The following UTP20 variants were observed in gnomAD, a reference collection of about 807,000 sequenced individuals.
The protein encoded by UTP20 is small subunit processome component 20 homolog.
Under a neutral mutation model 329.5 loss-of-function variants are expected in UTP20, and 164 were observed. The observed-to-expected ratio is 0.50, with a 90% CI of 0.44 to 0.57. The LOEUF is 0.57. UTP20 is among the 20% of genes least tolerant of loss of function. The pLI is 0.00. For missense variants in UTP20, 3,055 were observed against 3,284.2 expected (o/e 0.93, Z 1.71); for synonymous variants, 1,151 against 1,159.3 (o/e 0.99, Z 0.14).
chr12:101,317,325 AAG>A (rs1261462906), intron 21 of UTP20, among the ~76,000 whole-genome samples, 151 bp from the exon 22 acceptor site: 1 of 152,202 alleles, frequency 6.6e-6, no homozygotes, highest in Admixed American at 6.5e-5. Context: ...CAAGTTAGGA[AAG>A]AGTAATATTG....
intron 19 of UTP20, among the ~76,000 whole-genome samples, chr12:101,310,820 CTTGTCTACCTTTTACTACAAT>C (rs958789367): frequency 6.6e-6 from 1 of 152,122 alleles, no homozygotes; most frequent in African/African-American, 2.4e-5. Flanking sequence ...CTTTACTACC[CTTGTCTACCTTTTACTACAAT>C]TTGTCTACCT....
Position 101,302,557 on chromosome 12 carries a change from A to C in UTP20, c.1781+4A>C. ...AACGTGTGAAGAATTTAGTATTGTA[A>C]GTAAACATCTTCCAGTTGGTTTAGT... On this transcript the variant is annotated splice_donor_region_variant and intron_variant, in intron 15 of 61. Transcript: ENST00000261637. 1.3e-6 allele frequency: 2 copies of C among 1,569,144 alleles called. No individual in the cohort carries two copies. The highest frequency in any genetic ancestry group is 1.7e-6 in the Non-Finnish European group (2 of 1,152,326).
intron 14 of UTP20, 139 bp downstream of exon 14, chr12:101,300,200 A>T: frequency 1.1e-6 from 1 of 874,542 alleles, no homozygotes; most frequent in East Asian, 2.6e-5. Context: ...GGAAGAAATG[A>T]GGATATGATG....
At position 101,310,577 on chromosome 12, in the gene UTP20, C is replaced by CAAA. The variant is rs549641642; in HGVS notation, c.2231+757_2231+759dup. Among the ~76,000 whole-genome samples the CAAA allele has an allele frequency of 6.6e-3, 294 of 44,366 alleles. 25 individuals are homozygous for CAAA. Among genetic ancestry groups the CAAA allele is most frequent in the African/African-American group, 0.03 (274 of 9,140 alleles). The allele number at this position is 44,366 out of a possible 152,430, so 29.1% of individuals were successfully genotyped here. On this transcript the variant is annotated intron_variant, in intron 19 of 61. Transcript: ENST00000261637. ...GCAACAAGAGTGAAACTCTGTCTCC[C>CAAA]AAAAAAAAAAAAAAAAAAAAATACA...
chr12:101,300,110 C>CA, intron 14 of UTP20, 49 bp downstream of exon 14: 4 of 1,543,304 alleles, frequency 2.6e-6, no homozygotes, highest in Non-Finnish European at 2.7e-6. Flanking sequence ...CTGGCACACT[C>CA]AAAGTAATTG....
chr12:101,322,607 C>G (rs1593432514), intron 25 of UTP20, among the ~76,000 whole-genome samples: 1 of 152,134 alleles, frequency 6.6e-6, no homozygotes. Flanking sequence ...TTTGGTCCAG[C>G]CCCCTACTGT....
chr12:101,282,095 G>T (rs566073466), intron 2 of UTP20, among the ~76,000 whole-genome samples: 1 of 152,156 alleles, frequency 6.6e-6, no homozygotes, highest in Non-Finnish European at 1.5e-5. Flanking sequence ...ATACCTTGGC[G>T]ATCCAATCTC....
chr12:101,356,014 A>G (rs1869708329), intron 41 of UTP20, among the ~76,000 whole-genome samples: 1 of 152,194 alleles, frequency 6.6e-6, no homozygotes, highest in Non-Finnish European at 1.5e-5. Context: ...GAACATTCTT[A>G]CACCTGTTAT....
rs766829244 is a variant in UTP20 at position 101,327,087 on chromosome 12, G to A, written c.3048G>A (p.Leu1016=). Residue 1016 remains leucine (L), a synonymous_variant, in exon 26 of 62, where the codon TTG becomes TTA. Transcript: ENST00000261637. ...ADLFPILMRI[L]YGRMKNKTGS... ...TGTGCTTTTGCCTTTTCAGAATTTT[G>A]TATGGGCGAATGAAGAATAAGACTG... The A allele has an allele frequency of 1.3e-6, 2 of 1,593,434 alleles. No homozygotes were observed. The highest frequency in any genetic ancestry group is 1.7e-6 in the Non-Finnish European group (2 of 1,164,216).
chr12:101,352,184 C>T lies in UTP20; in HGVS notation c.5014C>T (p.Leu1672=). ...VLQTGQINQK[L]GVSLLVIVLE... ...ACAAACGGGACAGATCAATCAAAAA[C>T]TGGGTGTCAGGTGTGGTCAAACTTC... The change falls in exon 39 of 62, where the codon CTG becomes TTG. Residue 1672 remains leucine, a synonymous_variant. Coordinates refer to ENST00000261637, the MANE Select transcript of UTP20 (RefSeq NM_014503.3). The T allele has an allele frequency of 6.2e-7, 1 of 1,607,272 alleles. No individual in the cohort carries two copies. Among genetic ancestry groups the T allele is most frequent in the South Asian group, 1.1e-5 (1 of 88,448 alleles).
Position 101,379,378 on chromosome 12 carries a change from G to A in UTP20, c.7404G>A (p.Val2468=), listed in dbSNP as rs1244076337. 1.2e-6 allele frequency: 2 copies of A among 1,605,264 alleles called. No individual in the cohort carries two copies. The highest frequency in any genetic ancestry group is 2.2e-5 in the East Asian group (1 of 44,710). ...AETLSKIWSH[V]HSHLRHPHNW... ...GCTTTTTGGTTCCCTTAGGTCATGT[G>A]CATTCTCACCTGAGACATCCACACA... Residue 2468 remains valine (V), a synonymous_variant, in exon 57 of 62, where the codon GTG becomes GTA. Transcript: ENST00000261637.
chr12:101,326,951 T>G lies in UTP20; in HGVS notation c.3042-130T>G, dbSNP rs1156694100. 4 of 941,276 alleles carry G rather than the reference T, an allele frequency of 4.2e-6. No individual in the cohort carries two copies. The Admixed American group carries it at 9.0e-5, about 21-fold the overall frequency. 58.3% of individuals were successfully genotyped at this position (941,276 alleles called of 1,614,324 possible). A position where few individuals can be genotyped will look rare whatever the true frequency, so the allele number is the denominator to read the frequency against. On this transcript the variant is annotated intron_variant, in intron 25 of 61. Transcript: ENST00000261637. ...CTGTGTTAAATATCTAATTTCTATT[T>G]TCATGTTTCTGTGTTTTATAATATA...
chr12:101,329,302 T>G lies in UTP20; in HGVS notation c.3270T>G (p.Pro1090=). The change falls in exon 27 of 62, where the codon CCT becomes CCG. Residue 1090 remains proline (P), a synonymous_variant. Coordinates refer to ENST00000261637, the MANE Select transcript of UTP20 (RefSeq NM_014503.3). ...ACTTGGATTTGTCTAAAGTTCTTCC[T>G]TTAGGTCGTCAGCACGGTATCTTAA... The part of the protein sequence containing the change: ...VEDLDLSKVL[P]LGRQHGILNS... The G allele has an allele frequency of 6.2e-7, 1 of 1,614,178 alleles. No homozygotes were observed. The highest frequency in any genetic ancestry group is 8.5e-7 in the Non-Finnish European group (1 of 1,180,022).
Position 101,281,112 on chromosome 12 carries a change from C to A in UTP20, c.46-4C>A, listed in dbSNP as rs780539307. 1.9e-6 allele frequency: 3 copies of A among 1,609,004 alleles called. No individual in the cohort carries two copies. The African/African-American group carries it at 4.0e-5, about 22-fold the overall frequency. On this transcript the variant is annotated splice_polypyrimidine_tract_variant and splice_region_variant and intron_variant, in intron 1 of 61. Coordinates refer to ENST00000261637, the MANE Select transcript of UTP20 (RefSeq NM_014503.3). ...ATGTATCTTAAATATACTTTCCCTT[C>A]CAGTTTCTTACATTTGCTGAACGAC...
chr12:101,309,172 G>A (rs191086445), intron 18 of UTP20, among the ~76,000 whole-genome samples: 2 of 152,148 alleles, frequency 1.3e-5, no homozygotes, highest in East Asian at 1.9e-4. Context: ...TATAAATTAG[G>A]TATATAAATA....
chr12:101,347,415 C>G (rs528115213), intron 38 of UTP20, among the ~76,000 whole-genome samples: 2 of 151,862 alleles, frequency 1.3e-5, no homozygotes, highest in African/African-American at 2.4e-5. Context: ...CCCAGCTACT[C>G]GGGAGGCTGA....
intron 5 of UTP20, 73 bp downstream of exon 5, chr12:101,286,582 A>C: frequency 7.8e-7 from 1 of 1,289,088 alleles, no homozygotes; most frequent in South Asian, 2.1e-5. Flanking sequence ...ATGACTCCAA[A>C]CCACTTTGCC....
intron 40 of UTP20, 150 bp from the exon 41 acceptor site, chr12:101,354,682 G>T: frequency 1.3e-6 from 1 of 752,288 alleles, no homozygotes; most frequent in Non-Finnish European, 2.1e-6. Flanking sequence ...CTCATTTACT[G>T]CTCTTTCCTC....
intron 53 of UTP20, 23 bp downstream of exon 53, chr12:101,373,493 C>G (rs763823451): frequency 6.2e-7 from 1 of 1,614,028 alleles, no homozygotes; most frequent in East Asian, 2.2e-5. Flanking sequence ...CAGAGATAAG[C>G]CCCGTGACTC....
Sources: gnomAD v4.1 joint callset for allele counts (sites outside exome capture counted in the v4.1 genomes callset) on GRCh38, gnomAD v4.1.1 for gene constraint, MANE v1.5 for transcripts, NCBI Gene and HGNC (gene_info 2026-07-23, HGNC 2026-07-21) for gene names.